The following AGTPBP1 variants were observed in gnomAD, a reference collection of about 807,000 sequenced individuals.
AGTPBP1 encodes ATP/GTP binding carboxypeptidase 1.
AGTPBP1 carries 70 observed loss-of-function variants against 143.9 expected under a neutral mutation model. The observed-to-expected ratio is 0.49, with a 90% CI of 0.40 to 0.59. AGTPBP1 has a LOEUF of 0.59. Among genes scored for constraint, AGTPBP1 ranks in the 20% least tolerant of loss-of-function variants. The pLI, the probability that AGTPBP1 is intolerant of heterozygous loss-of-function variation, is 0.00. For synonymous variants in AGTPBP1, 463 were observed against 500.2 expected (o/e 0.93, Z 0.99); for missense variants, 1,229 against 1,464.5 (o/e 0.84, Z 2.62).
chr9:85,784,633 ACTGT>A, the AGTPBP1 span, among the ~76,000 whole-genome samples: 4 of 152,332 alleles, frequency 2.6e-5, no homozygotes, highest in South Asian at 8.3e-4. Context: ...TTTGGGAGCC[ACTGT>A]CTGTGGTCAA....
intron 1 of AGTPBP1, among the ~76,000 whole-genome samples, chr9:85,726,040 CA>C (rs1359487350): frequency 1.7e-5 from 2 of 116,090 alleles, no homozygotes; most frequent in Non-Finnish European, 3.3e-5. Context: ...CTGAGAGACA[CA>C]GCAAGACTCC....
At chr9:85,618,914 TA>T (rs890716549) in intron 17 of AGTPBP1, 68 bp downstream of exon 17, 5 of 1,481,888 alleles carry the variant, frequency 3.4e-6, no homozygotes, top group African/African-American at 2.9e-5. Context: ...ACAATTTTTT[TA>T]AAAAAACTTC....
At chr9:85,628,318 C>T (rs1831428428) in intron 14 of AGTPBP1, among the ~76,000 whole-genome samples, 2 of 152,168 alleles carry the variant, frequency 1.3e-5, no homozygotes, top group South Asian at 4.1e-4. Context: ...TGCATGTCAA[C>T]TATCTAATAC....
rs750084608 is a variant in AGTPBP1 at position 85,592,721 on chromosome 9, T to A, written c.2424-17A>T. ...AAATGATTTCTGCAATAAAAACGCA[T>A]AAAACATGTTCATTTCATCCACATG... is the stretch of plus-strand genomic sequence containing the variant. On this transcript the variant is annotated splice_polypyrimidine_tract_variant and intron_variant, in intron 18 of 25. Coordinates refer to ENST00000357081, the MANE Select transcript of AGTPBP1 (RefSeq NM_001330701.2). 24 of 1,606,764 alleles carry A rather than the reference T, an allele frequency of 1.5e-5. No homozygotes were observed. The highest frequency in any genetic ancestry group is 2.0e-5 in the Non-Finnish European group (24 of 1,177,596).
intron 1 of AGTPBP1, among the ~76,000 whole-genome samples, chr9:85,726,454 G>T (rs966035038): frequency 6.6e-6 from 1 of 152,104 alleles, no homozygotes. Context: ...CCGATAATCC[G>T]ATGTGGTAAT....
At chr9:85,598,581 A>G (rs10116711) in intron 17 of AGTPBP1, among the ~76,000 whole-genome samples, 44,929 of 152,088 alleles carry the variant, frequency 0.3, 10,196 homozygotes, top group African/African-American at 0.62. Context: ...TGCTTATGTA[A>G]GTGCCATGTG....
At chr9:85,805,147 G>C in the AGTPBP1 span, among the ~76,000 whole-genome samples, 81 of 152,164 alleles carry the variant, frequency 5.3e-4, no homozygotes, top group Non-Finnish European at 9.6e-4. Context: ...TCTCCAGCAG[G>C]TGGTTCTGGT....
At chr9:85,645,518 T>C (rs1233026369) in intron 12 of AGTPBP1, among the ~76,000 whole-genome samples, 2 of 152,160 alleles carry the variant, frequency 1.3e-5, no homozygotes, top group African/African-American at 4.8e-5. Context: ...ATGGGTTCTG[T>C]ATCTATTAAG....
intron 14 of AGTPBP1, among the ~76,000 whole-genome samples, chr9:85,630,153 C>G (rs1228464151): frequency 2.6e-5 from 4 of 152,158 alleles, no homozygotes; most frequent in Non-Finnish European, 5.9e-5. Flanking sequence ...GAAGAAATAT[C>G]AAGTTGCTGC....
chr9:85,692,456 G>T (rs547987377), intron 3 of AGTPBP1, among the ~76,000 whole-genome samples: 1 of 151,428 alleles, frequency 6.6e-6, no homozygotes, highest in African/African-American at 2.4e-5. Flanking sequence ...GTATTTTTTA[G>T]TAGAGACGGG....
chr9:85,609,141 A>G (rs1191326536), intron 17 of AGTPBP1, among the ~76,000 whole-genome samples: 1 of 152,204 alleles, frequency 6.6e-6, no homozygotes, highest in Non-Finnish European at 1.5e-5. Context: ...ACACATACAT[A>G]AATATGTACC....
intron 25 of AGTPBP1, among the ~76,000 whole-genome samples, chr9:85,547,768 T>C (rs1185640767): frequency 2.0e-5 from 3 of 152,194 alleles, no homozygotes. Context: ...ACAGCCCATA[T>C]ACCCACCCCA....
At chr9:85,732,136 CA>C (rs1838922778) in intron 1 of AGTPBP1, among the ~76,000 whole-genome samples, 1 of 151,208 alleles carries the variant, frequency 6.6e-6, no homozygotes. Flanking sequence ...TAAGTCTATA[CA>C]GATGATAAAT....
At chr9:85,677,799 T>G (rs1564134979) in intron 5 of AGTPBP1, among the ~76,000 whole-genome samples, 1 of 151,546 alleles carries the variant, frequency 6.6e-6, no homozygotes, top group African/African-American at 2.4e-5. Flanking sequence ...AGGTCAGGAG[T>G]TCAAGACCAG....
intron 25 of AGTPBP1, among the ~76,000 whole-genome samples, chr9:85,549,712 T>C (rs747967431): frequency 6.6e-6 from 1 of 152,188 alleles, no homozygotes; most frequent in Non-Finnish European, 1.5e-5. Context: ...AGAGCAATGT[T>C]GGTATCAGGT....
intron 1 of AGTPBP1, among the ~76,000 whole-genome samples, chr9:85,732,248 T>C (rs184611996): frequency 7.0e-6 from 1 of 143,666 alleles, no homozygotes; most frequent in East Asian, 2.0e-4. Context: ...AGAGTCTTGC[T>C]CTGTCGCCCA....
intron 11 of AGTPBP1, among the ~76,000 whole-genome samples, chr9:85,650,808 A>C (rs1833119429): frequency 1.3e-5 from 2 of 152,206 alleles, no homozygotes; most frequent in South Asian, 4.1e-4. Context: ...TGTTATTCAA[A>C]TGATTATAGT....
At chr9:85,795,825 G>A in the AGTPBP1 span, among the ~76,000 whole-genome samples, 1 of 148,666 alleles carries the variant, frequency 6.7e-6, no homozygotes, top group Non-Finnish European at 1.5e-5. Context: ...TATTTCTCCT[G>A]GAGGTTTTTA....
At chr9:85,617,838 A>G (rs1442247376) in intron 17 of AGTPBP1, among the ~76,000 whole-genome samples, 1 of 152,216 alleles carries the variant, frequency 6.6e-6, no homozygotes, top group Non-Finnish European at 1.5e-5. Context: ...AACCCTGCAC[A>G]TACATTTAAC....
Sources: allele counts gnomAD v4.1 joint callset (sites outside exome capture counted in the v4.1 genomes callset), GRCh38; gene constraint gnomAD v4.1.1; transcripts MANE v1.5; gene names NCBI Gene and HGNC (gene_info 2026-07-23, HGNC 2026-07-21).